The following ANO4 variants were observed in gnomAD, a reference collection of about 807,000 sequenced individuals.
ANO4 encodes the protein anoctamin 4.
ANO4 carries 69 observed loss-of-function variants against 141.9 expected under a neutral mutation model. That is an observed-to-expected ratio of 0.49 (90% confidence interval 0.40 to 0.59). ANO4 has a LOEUF of 0.59. Ranked by LOEUF, ANO4 falls within the 20% of genes least tolerant of loss-of-function variation. ANO4 has a pLI of 0.00. For synonymous variants in ANO4, 350 were observed against 394.3 expected, an observed-to-expected ratio of 0.89 and a Z score of 1.33; for missense variants, 894 against 1,162.2, an observed-to-expected ratio of 0.77 and a Z score of 3.36.
chr12:100,856,708 A>G (rs1050394849), intron 1 of ANO4, among the ~76,000 whole-genome samples: 1 of 152,140 alleles, frequency 6.6e-6, no homozygotes, highest in Non-Finnish European at 1.5e-5. Context: ...AGGGAGTTTC[A>G]GCCTGAGCAA....
intron 1 of ANO4, among the ~76,000 whole-genome samples, chr12:100,894,382 G>A (rs1205371033): frequency 3.9e-5 from 6 of 152,120 alleles, no homozygotes; most frequent in African/African-American, 1.4e-4. Flanking sequence ...CGGTGGTTGG[G>A]GGGAGCGGGG....
At chr12:100,864,633 A>T (rs2038659749) in intron 1 of ANO4, among the ~76,000 whole-genome samples, 1 of 152,144 alleles carries the variant, frequency 6.6e-6, no homozygotes, top group Admixed American at 6.6e-5. Context: ...TTTTGCCTCA[A>T]GGAGCTTTCA....
intron 1 of ANO4, among the ~76,000 whole-genome samples, chr12:100,896,961 C>A (rs1183573152): frequency 6.6e-6 from 1 of 152,094 alleles, no homozygotes; most frequent in Admixed American, 6.6e-5. Context: ...ATTATTGTTA[C>A]CCCATTTTAC....
At chr12:101,087,822 T>C (rs1245812018) in intron 17 of ANO4, among the ~76,000 whole-genome samples, 1 of 152,134 alleles carries the variant, frequency 6.6e-6, no homozygotes, top group Non-Finnish European at 1.5e-5. Flanking sequence ...CCTCTATTTC[T>C]CTGGCTGTCT....
rs145302911 is a variant in ANO4, at chr12:100,842,005, C to G, written c.-141+46978C>G. ...TGGTGGGCCCAACACTGGCACATGTCTCAGCCAAATTCTCTGTGTAGCTTC... is the reference window on the plus strand; with the variant it reads ...TGGTGGGCCCAACACTGGCACATGTGTCAGCCAAATTCTCTGTGTAGCTTC... On this transcript the variant is annotated intron_variant, in intron 1 of 27. Coordinates refer to ENST00000392977, the MANE Select transcript of ANO4 (RefSeq NM_001286615.2). Among the ~76,000 whole-genome samples, 357 of 144,234 alleles carry G rather than the reference C, an allele frequency of 2.5e-3. 2 individuals carry two copies. The highest frequency in any genetic ancestry group is 0.019 in the East Asian group (91 of 4,728). The allele number at this position is 144,234 out of a possible 152,430, so 94.6% of individuals were successfully genotyped here.
At chr12:100,732,522 T>C (rs2031422688) in intron 1 of ANO4, among the ~76,000 whole-genome samples, 2 of 152,248 alleles carry the variant, frequency 1.3e-5, no homozygotes, top group African/African-American at 4.8e-5. Context: ...TTGTGCCCTG[T>C]CTTCTCATTC....
chr12:100,828,843 C>T (rs1039355504), intron 1 of ANO4, among the ~76,000 whole-genome samples: 1 of 151,948 alleles, frequency 6.6e-6, no homozygotes, highest in African/African-American at 2.4e-5. Flanking sequence ...CATGGTAAAA[C>T]CCCATCTCTA....
intron 1 of ANO4, among the ~76,000 whole-genome samples, chr12:100,887,949 T>C (rs2039920216): frequency 6.6e-6 from 1 of 152,178 alleles, no homozygotes; most frequent in South Asian, 2.1e-4. Context: ...ACCCTTAAAC[T>C]TTTGTGAGGT....
chr12:100,741,058 G>A (rs1049745498), intron 3 of ANO4, among the ~76,000 whole-genome samples: 1 of 152,152 alleles, frequency 6.6e-6, no homozygotes, highest in South Asian at 2.1e-4. Flanking sequence ...AAAATTTATC[G>A]CTTATATCAC....
In ANO4 at chr12:101,127,888, CTGAA is replaced by C. The variant is rs1169853290; in HGVS notation, c.*34_*37del. Reference sequence around the variant, plus strand: ...AATAGTCCCTTTCCAGGCCAAGGACCTGAATTCTGTTTACTTCTTCTGGCTGTGC... The same window carrying C: ...AATAGTCCCTTTCCAGGCCAAGGACCTTCTGTTTACTTCTTCTGGCTGTGC... On this transcript the variant is annotated 3_prime_UTR_variant, in exon 28 of 28. Transcript: ENST00000392977. 1 of 152,598 alleles carries C rather than the reference CTGAA, an allele frequency of 6.6e-6. No homozygotes were observed. The highest frequency in any genetic ancestry group is 1.5e-5 in the Non-Finnish European group (1 of 68,044). The allele number at this position is 152,598 out of a possible 1,614,324, so 9.5% of individuals were successfully genotyped here.
chr12:101,047,744 A>G (rs1313117014), intron 13 of ANO4, among the ~76,000 whole-genome samples: 1 of 152,214 alleles, frequency 6.6e-6, no homozygotes, highest in African/African-American at 2.4e-5. Flanking sequence ...TTCTAGCAAT[A>G]AAGTATTGCT....
chr12:100,870,100 A>G (rs1283503503), intron 1 of ANO4, among the ~76,000 whole-genome samples: 1 of 152,206 alleles, frequency 6.6e-6, no homozygotes, highest in Non-Finnish European at 1.5e-5. Flanking sequence ...ATGAAGGGTT[A>G]TAGAGGCCTA....
At chr12:101,068,820 G>A in intron 14 of ANO4, 1 of 1,086,842 alleles carries the variant, frequency 9.2e-7, no homozygotes, top group Non-Finnish European at 1.4e-6. Context: ...AGTATCTATT[G>A]AAGGTTGCTG....
intron 1 of ANO4, chr12:100,859,257 G>A (rs1330739701): frequency 1.3e-5 from 2 of 152,144 alleles, no homozygotes; most frequent in Non-Finnish European, 1.5e-5. Flanking sequence ...GGCAGTGACA[G>A]GTGTCACTTC....
rs74891031 is a variant in ANO4 at position 101,089,030 on chromosome 12, G to A, written c.1701+2206G>A. ...GTTCCCCTATCCTTATTTATACTGC[G>A]TCTTAAATCTGGGCCATAATGCTGA... On this transcript the variant is annotated intron_variant, in intron 17 of 27. Coordinates refer to ENST00000392977, the MANE Select transcript of ANO4 (RefSeq NM_001286615.2). Among the ~76,000 whole-genome samples the A allele has an allele frequency of 4.3e-3, 661 of 152,178 alleles. 41 individuals carry two copies. In the East Asian group the frequency reaches 0.11, roughly 26 times the overall value.
At chr12:101,066,131 A>G (rs867055050) in intron 14 of ANO4, among the ~76,000 whole-genome samples, 3 of 152,252 alleles carry the variant, frequency 2.0e-5, no homozygotes, top group Non-Finnish European at 4.4e-5. Context: ...TAAAAGCCAC[A>G]TATGACAGAC....
chr12:100,912,995 G>A (rs1205240457), intron 2 of ANO4, among the ~76,000 whole-genome samples: 1 of 152,102 alleles, frequency 6.6e-6, no homozygotes, highest in Non-Finnish European at 1.5e-5. Flanking sequence ...CAATAGGTGG[G>A]GGTGCTTAGG....
chr12:101,012,208 A>G (rs138408190), intron 8 of ANO4, among the ~76,000 whole-genome samples: 71 of 152,296 alleles, frequency 4.7e-4, no homozygotes, highest in African/African-American at 1.7e-3. Flanking sequence ...AGCATGAGAC[A>G]GACCAAGCCC....
intron 3 of ANO4, among the ~76,000 whole-genome samples, chr12:100,937,447 C>T (rs777961409): frequency 5.3e-5 from 8 of 152,170 alleles, no homozygotes; most frequent in Non-Finnish European, 1.0e-4. Flanking sequence ...TGTCTTTGAT[C>T]TTGACAGCTC....
Sources: gnomAD v4.1 joint callset for allele counts (sites outside exome capture counted in the v4.1 genomes callset) on GRCh38, gnomAD v4.1.1 for gene constraint, MANE v1.5 for transcripts, NCBI Gene and HGNC (gene_info 2026-07-23, HGNC 2026-07-21) for gene names.